SUCLG2: variants seen among roughly 807,000 people sequenced by gnomAD.
The protein encoded by SUCLG2 is succinate-CoA ligase GDP-forming subunit beta.
In SUCLG2, 42 loss-of-function variants were observed where a neutral mutation model predicts 47.9. The observed-to-expected ratio is 0.88, with a 90% confidence interval of 0.69 to 1.14. SUCLG2 has a LOEUF of 1.14. Among genes scored for constraint, SUCLG2 ranks in the 50% most tolerant of loss-of-function variants. SUCLG2 has a pLI of 0.00. For synonymous variants in SUCLG2, 195 were observed against 197.3 expected (o/e 0.99, Z 0.10); for missense variants, 571 against 525.9 (o/e 1.09, Z -0.84).
At position 67,394,826 on chromosome 3, in the gene SUCLG2, G is replaced by A. The variant is rs1295208246; in HGVS notation, c.1183+5905C>T. Among the ~76,000 whole-genome samples, 9 of 151,904 alleles carry A rather than the reference G, an allele frequency of 5.9e-5. No homozygotes were observed. The South Asian group carries it at 1.3e-3, about 21-fold the overall frequency. On this transcript the variant is annotated intron_variant, in intron 10 of 10. Transcript: ENST00000307227. ...CCATCAGACTAACAGCGGATCTCTC[G>A]GCAGAAACTCTACAAGCCAGAAGAG...
intron 2 of SUCLG2, among the ~76,000 whole-genome samples, chr3:67,563,972 A>AAG (rs3030362): frequency 0.15 from 21,911 of 144,022 alleles, 2,049 homozygotes; most frequent in East Asian, 0.43. Flanking sequence ...AAAAAAAAAA[A>AAG]AAAAAAGAAA....
At chr3:67,572,842 A>G (rs1279030941) in intron 2 of SUCLG2, among the ~76,000 whole-genome samples, 6 of 152,176 alleles carry the variant, frequency 3.9e-5, no homozygotes, top group Non-Finnish European at 7.3e-5. Context: ...GGAAAAAAAA[A>G]GGCATTCACA....
intron 9 of SUCLG2, among the ~76,000 whole-genome samples, chr3:67,422,722 T>C (rs1010884149): frequency 5.3e-5 from 8 of 152,094 alleles, no homozygotes; most frequent in African/African-American, 1.9e-4. Context: ...TAATAGCTAC[T>C]TCACCATTTA....
chr3:67,536,536 C>T (rs1418981129), intron 2 of SUCLG2, among the ~76,000 whole-genome samples: 1 of 152,160 alleles, frequency 6.6e-6, no homozygotes, highest in Non-Finnish European at 1.5e-5. Context: ...TCACACTAAA[C>T]CTGAGACCTC....
chr3:67,562,985 T>C (rs1575780621), intron 2 of SUCLG2, among the ~76,000 whole-genome samples: 1 of 151,664 alleles, frequency 6.6e-6, no homozygotes, highest in East Asian at 1.9e-4. Context: ...TTCATTTTAA[T>C]GATTAAATTA....
intron 9 of SUCLG2, among the ~76,000 whole-genome samples, chr3:67,469,614 A>C (rs1238158290): frequency 1.3e-5 from 2 of 151,698 alleles, no homozygotes; most frequent in Admixed American, 1.3e-4. Flanking sequence ...CTGTAGTCCC[A>C]GGTACTCGGG....
intron 10 of SUCLG2, chr3:67,376,337 T>G (rs1447222490): frequency 3.0e-6 from 3 of 985,276 alleles, no homozygotes; most frequent in Non-Finnish European, 3.6e-6. Flanking sequence ...CTCTATAAAA[T>G]GAAATGGGCT....
At chr3:67,652,435 CCATGT>C (rs1701303257) in intron 1 of SUCLG2, among the ~76,000 whole-genome samples, 1 of 152,106 alleles carries the variant, frequency 6.6e-6, no homozygotes, top group Non-Finnish European at 1.5e-5. Context: ...GAGAAGTGGG[CCATGT>C]TTAACTGCAA....
At position 67,481,943 on chromosome 3, in the gene SUCLG2, C is replaced by G. The variant is rs529428379; in HGVS notation, c.1062+13855G>C. ...CCTGTAATCCCAGCACTTTGTGAGG[C>G]CGAGGCGGGCGGACCACCTGAGGTC... On this transcript the variant is annotated intron_variant, in intron 9 of 10. Coordinates refer to ENST00000307227, the MANE Select transcript of SUCLG2 (RefSeq NM_003848.4). Among the ~76,000 whole-genome samples, 467 of 152,300 alleles carry G rather than the reference C, an allele frequency of 3.1e-3. 2 individuals carry two copies. The highest frequency in any genetic ancestry group is 5.7e-3 in the Non-Finnish European group (386 of 68,022).
chr3:67,538,895 T>C (rs1046611876), intron 2 of SUCLG2, among the ~76,000 whole-genome samples: 14 of 152,238 alleles, frequency 9.2e-5, no homozygotes, highest in African/African-American at 3.4e-4. Context: ...TTGTGATTTT[T>C]GCACATTGAC....
intron 1 of SUCLG2, among the ~76,000 whole-genome samples, chr3:67,617,179 T>G (rs1481920637): frequency 6.6e-6 from 1 of 152,214 alleles, no homozygotes; most frequent in Non-Finnish European, 1.5e-5. Context: ...AAGGCCTGCT[T>G]GTTTAAAACA....
chr3:67,567,810 A>C (rs1314105067), intron 2 of SUCLG2, among the ~76,000 whole-genome samples: 1 of 152,192 alleles, frequency 6.6e-6, no homozygotes, highest in Non-Finnish European at 1.5e-5. Flanking sequence ...TGTCTTCTTT[A>C]TTTATATACA....
At chr3:67,392,496 A>T (rs188601913) in intron 10 of SUCLG2, among the ~76,000 whole-genome samples, 172 of 152,276 alleles carry the variant, frequency 1.1e-3, no homozygotes, top group East Asian at 7.7e-4. Flanking sequence ...CGAATATATC[A>T]ATTTCCAGGT....
intron 2 of SUCLG2, among the ~76,000 whole-genome samples, chr3:67,563,043 G>C (rs944619771): frequency 6.7e-6 from 1 of 149,858 alleles, no homozygotes; most frequent in Admixed American, 6.7e-5. Context: ...TAATGTGTAC[G>C]ATTTACATTC....
chr3:67,650,034 C>A (rs1283780090), intron 1 of SUCLG2, among the ~76,000 whole-genome samples: 1 of 152,184 alleles, frequency 6.6e-6, no homozygotes, highest in Non-Finnish European at 1.5e-5. Context: ...TAGGACAAAG[C>A]TATCACTTAA....
At position 67,572,833 on chromosome 3, in the gene SUCLG2, GA is replaced by G. The variant is rs147784159; in HGVS notation, c.226+36621del. Among the ~76,000 whole-genome samples the G allele has an allele frequency of 2.7e-5, 4 of 149,914 alleles. No homozygotes were observed. In the East Asian group the frequency reaches 7.8e-4, roughly 29 times the overall value. On this transcript the variant is annotated intron_variant, in intron 2 of 10. Coordinates refer to ENST00000307227, the MANE Select transcript of SUCLG2 (RefSeq NM_003848.4). ...GAGCCACTGCAAGCAGGCAAGGAAG[GA>G]AAAAAAAAGGCATTCACACTGGAAA...
chr3:67,533,472 C>T lies in SUCLG2; in HGVS notation c.227-4286G>A, dbSNP rs138698891. Among the ~76,000 whole-genome samples, 673 of 152,220 alleles carry T rather than the reference C, an allele frequency of 4.4e-3. 8 individuals are homozygous for T. The East Asian group carries it at 0.053, about 12-fold the overall frequency. ...CGTGTAATATGTAGCATGGCAATCA[C>T]CTTCCCTGAGAGTTGATAGAATTCC... On this transcript the variant is annotated intron_variant, in intron 2 of 10. Coordinates refer to ENST00000307227, the MANE Select transcript of SUCLG2 (RefSeq NM_003848.4).
chr3:67,561,832 C>G (rs1400549324), intron 2 of SUCLG2, among the ~76,000 whole-genome samples: 1 of 152,186 alleles, frequency 6.6e-6, no homozygotes, highest in East Asian at 1.9e-4. Flanking sequence ...GTTCAAAAGG[C>G]AGACAAATGC....
rs367865382 is a variant in SUCLG2, at chr3:67,397,373, C to G, written c.1183+3358G>C. On this transcript the variant is annotated intron_variant, in intron 10 of 10. Coordinates refer to ENST00000307227, the MANE Select transcript of SUCLG2 (RefSeq NM_003848.4). Reference sequence around the variant, plus strand: ...CAAAAATCACAAGCATTCTTATACACCAATAACAGACAGAGAGCCAAATCA... The same window carrying G: ...CAAAAATCACAAGCATTCTTATACAGCAATAACAGACAGAGAGCCAAATCA... Among the ~76,000 whole-genome samples the G allele has an allele frequency of 1.7e-3, 251 of 151,678 alleles. 7 individuals are homozygous for G. The East Asian group carries it at 0.047, about 29-fold the overall frequency.
Sources: gnomAD v4.1 joint callset for allele counts (sites outside exome capture counted in the v4.1 genomes callset) on GRCh38, gnomAD v4.1.1 for gene constraint, MANE v1.5 for transcripts, NCBI Gene and HGNC (gene_info 2026-07-23, HGNC 2026-07-21) for gene names.